AUNIP: variants seen among roughly 807,000 people sequenced by gnomAD.
AUNIP encodes aurora kinase A- and ninein-interacting protein.
In AUNIP, 16 loss-of-function variants were observed where a neutral mutation model predicts 12.2. That is an observed-to-expected ratio of 1.31 (90% CI 0.88 to 1.99). The LOEUF (loss-of-function observed/expected upper bound fraction) is 1.99, where lower values mean the gene tolerates loss of function less well. Among genes scored for constraint, AUNIP ranks in the 30% most tolerant of loss-of-function variants. The probability of loss-of-function intolerance (pLI) is 0.00; values close to 1 mark genes in which losing one functional copy is unlikely to be tolerated. For missense variants in AUNIP, 411 were observed against 419.1 expected (o/e 0.98, Z 0.17); for synonymous variants, 142 against 154.8 (o/e 0.92, Z 0.61).
intron 2 of AUNIP, 57 bp downstream of exon 2, chr1:25,837,356 T>G: frequency 6.4e-7 from 1 of 1,557,240 alleles, no homozygotes; most frequent in South Asian, 1.2e-5. Context: ...CATGGACAAA[T>G]GAACACACTC....
chr1:25,850,678 A>G (rs759444096), intron 1 of AUNIP, among the ~76,000 whole-genome samples: 2 of 152,202 alleles, frequency 1.3e-5, no homozygotes, highest in Non-Finnish European at 2.9e-5. Context: ...ATTCTATTGT[A>G]AATGAAATTA....
At chr1:25,850,177 C>A (rs1288895607) in intron 1 of AUNIP, among the ~76,000 whole-genome samples, 15 of 151,896 alleles carry the variant, frequency 9.9e-5, no homozygotes, top group Admixed American at 9.8e-4. Flanking sequence ...CATAGCACTC[C>A]AGTCTGGGTA....
chr1:25,840,984 T>C (rs534496591), intron 1 of AUNIP, among the ~76,000 whole-genome samples: 155 of 152,372 alleles, frequency 1.0e-3, no homozygotes, highest in African/African-American at 3.2e-3. Context: ...ACAAGTATGC[T>C]AAGTCCTATA....
intron 1 of AUNIP, among the ~76,000 whole-genome samples, chr1:25,845,953 C>CT (rs2048380253): frequency 6.6e-6 from 1 of 152,146 alleles, no homozygotes; most frequent in Non-Finnish European, 1.5e-5. Flanking sequence ...CCAAAGTAAT[C>CT]TAACAACACA....
chr1:25,843,609 AAAAAAAAAAAAAAAG>A (rs1297659497), intron 1 of AUNIP, among the ~76,000 whole-genome samples: 8 of 149,850 alleles, frequency 5.3e-5, no homozygotes, highest in South Asian at 2.1e-4. Context: ...AAAAAAAAAA[AAAAAAAAAAAAAAAG>A]GGATTCATGA....
chr1:25,839,077 T>A (rs576010303), intron 1 of AUNIP, among the ~76,000 whole-genome samples: 1 of 152,130 alleles, frequency 6.6e-6, no homozygotes, highest in East Asian at 1.9e-4. Context: ...ACTAGAAAAC[T>A]GGATCAAAGA....
At chr1:25,851,315 C>T (rs1285973392) in intron 1 of AUNIP, among the ~76,000 whole-genome samples, 1 of 151,922 alleles carries the variant, frequency 6.6e-6, no homozygotes, top group Non-Finnish European at 1.5e-5. Context: ...TAAAGGATAC[C>T]AGACCATAAT....
At chr1:25,833,150 T>C (rs1054772051), downstream of AUNIP, among the ~76,000 whole-genome samples, 2 of 152,034 alleles carry the variant, frequency 1.3e-5, no homozygotes, top group Non-Finnish European at 2.9e-5. Flanking sequence ...AGTATCTAGC[T>C]CTGTCATGCC....
intron 1 of AUNIP, among the ~76,000 whole-genome samples, chr1:25,852,047 G>A (rs1380097507): frequency 6.9e-6 from 1 of 144,088 alleles, no homozygotes; most frequent in Non-Finnish European, 1.5e-5. Flanking sequence ...CAACCTCCCT[G>A]GGTTCAGTGA....
rs555470495 is a variant in AUNIP, at chr1:25,835,983, G to A, written c.221-137C>T. The A allele has an allele frequency of 9.0e-5, 119 of 1,317,620 alleles. No individual in the cohort carries two copies. In the African/African-American group the frequency reaches 1.6e-3, roughly 17 times the overall value. 81.6% of individuals were successfully genotyped at this position (1,317,620 alleles called of 1,614,324 possible). A position where few individuals can be genotyped will look rare whatever the true frequency, so the allele number is the denominator to read the frequency against. ...GTCTTAAGACTCTTCACATAACTTT[G>A]TAGCCAATCTTCCTGTTTTCAATCT... is the stretch of plus-strand genomic sequence containing the variant. On this transcript the variant is annotated intron_variant, in intron 2 of 2. Transcript: ENST00000374298.
At chr1:25,843,183 AAAATAT>A (rs1272377478) in intron 1 of AUNIP, among the ~76,000 whole-genome samples, 2 of 114,224 alleles carry the variant, frequency 1.8e-5, no homozygotes, top group Non-Finnish European at 4.1e-5. Flanking sequence ...AAAAAAAAAA[AAAATAT>A]ATATATATAT....
chr1:25,853,460 G>A (rs1423260774), intron 1 of AUNIP, among the ~76,000 whole-genome samples: 1 of 152,006 alleles, frequency 6.6e-6, no homozygotes, highest in Non-Finnish European at 1.5e-5. Context: ...AGCCAGGTGT[G>A]GTGGTGGGCG....
intron 1 of AUNIP, among the ~76,000 whole-genome samples, chr1:25,850,741 A>G (rs950670274): frequency 2.0e-5 from 3 of 151,952 alleles, no homozygotes; most frequent in African/African-American, 7.3e-5. Context: ...AGTACAATTG[A>G]TTTTTGTATC....
chr1:25,832,244 T>C (rs1467502092), downstream of AUNIP: 1 of 1,364,746 alleles, frequency 7.3e-7, no homozygotes, highest in African/African-American at 1.4e-5. Flanking sequence ...GAGACATTTG[T>C]TTCAGGTAAT....
chr1:25,833,773 TAAA>T (rs77483237), downstream of AUNIP, among the ~76,000 whole-genome samples: 4 of 141,170 alleles, frequency 2.8e-5, no homozygotes, highest in Non-Finnish European at 4.7e-5. Flanking sequence ...AAATTTAAGT[TAAA>T]AAAAAAAAAA....
intron 1 of AUNIP, among the ~76,000 whole-genome samples, chr1:25,838,051 C>G (rs2048317202): frequency 1.4e-5 from 2 of 141,330 alleles, no homozygotes; most frequent in South Asian, 4.5e-4. Flanking sequence ...CTAGCCTGAC[C>G]AACATGGCGA....
At position 25,837,409 on chromosome 1, in the gene AUNIP, A is replaced by T. The variant is rs1351113878; in HGVS notation, c.220+4T>A. 1.2e-6 allele frequency: 2 copies of T among 1,613,160 alleles called. No individual in the cohort carries two copies. The highest frequency in any genetic ancestry group is 1.7e-6 in the Non-Finnish European group (2 of 1,179,646). ...ATGAAGTATTCCCATATGGGTCACC[A>T]TACCTGGCTGCAAGGTGAAGAAGGA... On this transcript the variant is annotated splice_donor_region_variant and intron_variant, in intron 2 of 2. Transcript: ENST00000374298.
Position 25,859,189 on chromosome 1 carries a change from C to T in AUNIP, c.78+91G>A, listed in dbSNP as rs769248421. 3.3e-5 allele frequency: 44 copies of T among 1,350,800 alleles called. 1 individual carries two copies. Among genetic ancestry groups the T allele is most frequent in the Non-Finnish European group, 4.1e-5 (40 of 986,142 alleles). 83.7% of individuals were successfully genotyped at this position (1,350,800 alleles called of 1,614,324 possible). A position where few individuals can be genotyped will look rare whatever the true frequency, so the allele number is the denominator to read the frequency against. On this transcript the variant is annotated intron_variant, in intron 1 of 2. Coordinates refer to ENST00000374298, the MANE Select transcript of AUNIP (RefSeq NM_024037.3). ...CCTTCTCTGTCCCCGACTTCGCTTT[C>T]ATCATCTCCAGGTGTCCCCCAAACT...
chr1:25,853,910 T>C (rs2048440219), intron 1 of AUNIP, among the ~76,000 whole-genome samples: 3 of 152,154 alleles, frequency 2.0e-5, no homozygotes. Context: ...TCCCGCAATA[T>C]TCTATTCATT....
Sources: allele counts gnomAD v4.1 joint callset (sites outside exome capture counted in the v4.1 genomes callset), GRCh38; gene constraint gnomAD v4.1.1; transcripts MANE v1.5; gene names NCBI Gene and HGNC (gene_info 2026-07-23, HGNC 2026-07-21).